The following ROBO2 variants were observed in gnomAD, a reference collection of about 807,000 sequenced individuals.
The protein encoded by ROBO2 is roundabout homolog 2.
A neutral mutation model predicts 160.8 loss-of-function variants in ROBO2; 53 were observed. The observed-to-expected ratio is 0.33, with a 90% CI of 0.26 to 0.41. ROBO2 has a LOEUF of 0.41. Among genes scored for constraint, ROBO2 ranks in the 10% least tolerant of loss-of-function variants. The pLI is 1.00. For missense variants in ROBO2, 1,577 were observed against 1,722.4 expected, an observed-to-expected ratio of 0.92 and a Z score of 1.49; for synonymous variants, 664 against 611.7, an observed-to-expected ratio of 1.09 and a Z score of -1.26.
intron 2 of ROBO2, among the ~76,000 whole-genome samples, chr3:76,660,873 T>G (rs1366325280): frequency 1.3e-5 from 2 of 152,300 alleles, no homozygotes; most frequent in East Asian, 3.9e-4. Context: ...AGTACCTAGT[T>G]TTTTTCATCA....
rs150923529 is a variant in ROBO2, at chr3:77,403,951, C to A, written c.389-73463C>A. The stretch of plus-strand genomic sequence containing the variant: ...CACTTTTCCAAATTGGCACTAGGCT[C>A]GAAAATGGTTGGTTTTCAAGTTGGC... On this transcript the variant is annotated intron_variant, in intron 2 of 25. Coordinates refer to ENST00000461745, the Ensembl canonical transcript of ROBO2. Among the ~76,000 whole-genome samples, 288 of 151,836 alleles carry A rather than the reference C, an allele frequency of 1.9e-3. 2 individuals carry two copies. Among genetic ancestry groups the A allele is most frequent in the African/African-American group, 6.7e-3 (277 of 41,390 alleles).
chr3:76,229,102 T>A (rs1379987966), intron 2 of ROBO2, among the ~76,000 whole-genome samples: 1 of 146,588 alleles, frequency 6.8e-6, no homozygotes, highest in African/African-American at 2.5e-5. Flanking sequence ...TTTCCACAAT[T>A]TTTTTTTGGA....
At chr3:76,579,278 TG>T (rs1378763034) in intron 2 of ROBO2, among the ~76,000 whole-genome samples, 1 of 152,210 alleles carries the variant, frequency 6.6e-6, no homozygotes, top group Non-Finnish European at 1.5e-5. Context: ...TTCTCTGTCC[TG>T]AGTCAATTTC....
intron 2 of ROBO2, among the ~76,000 whole-genome samples, chr3:76,548,016 T>C (rs2083206444): frequency 6.6e-6 from 1 of 152,174 alleles, no homozygotes; most frequent in Non-Finnish European, 1.5e-5. Flanking sequence ...TCAGTATCTT[T>C]TTAATAGCAT....
At chr3:77,133,469 T>C (rs560614823) in intron 2 of ROBO2, among the ~76,000 whole-genome samples, 33 of 152,248 alleles carry the variant, frequency 2.2e-4, no homozygotes, top group African/African-American at 7.7e-4. Context: ...TCAAAAGAAA[T>C]CTTGACATTA....
chr3:76,778,494 A>G (rs2062423150), intron 2 of ROBO2, among the ~76,000 whole-genome samples: 1 of 151,106 alleles, frequency 6.6e-6, no homozygotes, highest in South Asian at 2.1e-4. Flanking sequence ...ACCATGATGA[A>G]CACATAACAG....
intron 1 of ROBO2, among the ~76,000 whole-genome samples, chr3:75,914,556 C>G (rs1946728743): frequency 6.6e-6 from 1 of 151,998 alleles, no homozygotes; most frequent in Non-Finnish European, 1.5e-5. Flanking sequence ...GGAGATCAAG[C>G]TAAAAATAAA....
intron 2 of ROBO2, among the ~76,000 whole-genome samples, chr3:76,332,969 C>T (rs1258876511): frequency 6.6e-6 from 1 of 152,122 alleles, no homozygotes; most frequent in Admixed American, 6.5e-5. Flanking sequence ...TTGATGAACC[C>T]CCCTTCCTAG....
chr3:75,993,347 T>A (rs1428544984), intron 2 of ROBO2, among the ~76,000 whole-genome samples: 1 of 152,138 alleles, frequency 6.6e-6, no homozygotes, highest in Non-Finnish European at 1.5e-5. Context: ...TCTGATGGTT[T>A]TAAAAAGAAG....
chr3:76,324,236 A>C (rs1239847072), intron 2 of ROBO2, among the ~76,000 whole-genome samples: 1 of 152,200 alleles, frequency 6.6e-6, no homozygotes, highest in Non-Finnish European at 1.5e-5. Context: ...GAAAAAGAAA[A>C]AAGGTCACTT....
intron 2 of ROBO2, among the ~76,000 whole-genome samples, chr3:77,119,518 A>G (rs2074540114): frequency 6.6e-6 from 1 of 152,208 alleles, no homozygotes; most frequent in Non-Finnish European, 1.5e-5. Context: ...TAATCAACTT[A>G]GAAGAAAATA....
At position 76,532,329 on chromosome 3, in the gene ROBO2, C is replaced by T. The variant is rs114241251; in HGVS notation, c.110-565685C>T. 2.8e-3 allele frequency among the ~76,000 whole-genome samples: 432 copies of T among 152,268 alleles called. 4 individuals carry two copies. Among genetic ancestry groups the T allele is most frequent in the African/African-American group, 9.7e-3 (405 of 41,552 alleles). On this transcript the variant is annotated intron_variant, in intron 2 of 26. Transcript: ENST00000487694. Reference sequence around the variant, plus strand: ...AGTTATGACTGATTTCCTCGGCAGCCTTAGAAACATCCAGTCTCTTACTTG... The same window carrying T: ...AGTTATGACTGATTTCCTCGGCAGCTTTAGAAACATCCAGTCTCTTACTTG...
chr3:76,106,138 T>C (rs115048911), intron 2 of ROBO2, among the ~76,000 whole-genome samples: 245 of 152,250 alleles, frequency 1.6e-3, no homozygotes, highest in African/African-American at 5.7e-3. Flanking sequence ...GTAGAGACGA[T>C]ATTCTTTTAC....
intron 2 of ROBO2, among the ~76,000 whole-genome samples, chr3:76,948,355 C>T (rs2078700505): frequency 6.6e-6 from 1 of 152,010 alleles, no homozygotes; most frequent in African/African-American, 2.4e-5. Flanking sequence ...TGTTTTCTAA[C>T]ATTATCTTCC....
intron 7 of ROBO2, among the ~76,000 whole-genome samples, chr3:77,549,421 C>T (rs1049621402): frequency 1.3e-5 from 2 of 151,934 alleles, no homozygotes; most frequent in African/African-American, 4.8e-5. Flanking sequence ...ACAGTAGAAT[C>T]AGCTGATTCT....
intron 2 of ROBO2, among the ~76,000 whole-genome samples, chr3:76,092,652 T>C (rs990277623): frequency 4.6e-5 from 7 of 152,186 alleles, no homozygotes; most frequent in African/African-American, 1.7e-4. Flanking sequence ...TCTGTTAGGA[T>C]CATTCTCTTT....
intron 2 of ROBO2, among the ~76,000 whole-genome samples, chr3:77,323,730 A>T (rs1482374328): frequency 6.6e-6 from 1 of 152,194 alleles, no homozygotes. Flanking sequence ...CATCACACAC[A>T]GACACATCCA....
intron 2 of ROBO2, among the ~76,000 whole-genome samples, chr3:76,182,375 A>C (rs1229903320): frequency 6.6e-6 from 1 of 152,124 alleles, no homozygotes; most frequent in African/African-American, 2.4e-5. Flanking sequence ...GCAGAAATAA[A>C]AGTGTTGGCT....
intron 2 of ROBO2, among the ~76,000 whole-genome samples, chr3:76,620,059 C>G (rs1004060906): frequency 2.0e-5 from 3 of 152,180 alleles, no homozygotes; most frequent in African/African-American, 7.2e-5. Context: ...CCAGTAGATA[C>G]AGGGAATTAT....
Sources: gnomAD v4.1 joint callset for allele counts (sites outside exome capture counted in the v4.1 genomes callset) on GRCh38, gnomAD v4.1.1 for gene constraint, MANE v1.5 for transcripts, NCBI Gene and HGNC (gene_info 2026-07-23, HGNC 2026-07-21) for gene names.